AGO2: variants seen among roughly 807,000 people sequenced by gnomAD.
AGO2 encodes protein argonaute-2.
Under a neutral mutation model 102.3 loss-of-function variants are expected in AGO2, and 5 were observed. The ratio of observed to expected loss-of-function variants is 0.05; its 90% confidence interval spans 0.03 to 0.10. AGO2 has a LOEUF of 0.10. Among genes scored for constraint, AGO2 ranks in the 10% least tolerant of loss-of-function variants. AGO2 has a pLI of 1.00. For synonymous variants in AGO2, 449 were observed against 473.1 expected, an observed-to-expected ratio of 0.95 and a Z score of 0.66; for missense variants, 541 against 1,183.7, an observed-to-expected ratio of 0.46 and a Z score of 7.97.
intron 1 of AGO2, among the ~76,000 whole-genome samples, chr8:140,600,470 C>G (rs111938670): frequency 1.4e-4 from 22 of 152,092 alleles, no homozygotes; most frequent in Non-Finnish European, 1.8e-4. Flanking sequence ...CACCTGAGGT[C>G]GGGAGTTCGA....
At chr8:140,619,731 G>T (rs1310334981) in intron 1 of AGO2, among the ~76,000 whole-genome samples, 2 of 152,228 alleles carry the variant, frequency 1.3e-5, no homozygotes, top group African/African-American at 4.8e-5. Context: ...CACTCTACAG[G>T]CACGCTAGGT....
In AGO2 at chr8:140,524,296, A is replaced by G. The variant is rs1250940780; in HGVS notation, c.*7748T>C. The G allele has an allele frequency of 6.6e-6, 1 of 152,168 alleles. No individual in the cohort carries two copies. The highest frequency in any genetic ancestry group is 6.6e-5 in the Admixed American group (1 of 15,264). The allele number at this position is 152,168 out of a possible 1,614,324, so 9.4% of individuals were successfully genotyped here. A position where few individuals can be genotyped will look rare whatever the true frequency, so the allele number is the denominator to read the frequency against. On this transcript the variant is annotated 3_prime_UTR_variant, in exon 19 of 19. Transcript: ENST00000220592. Reference sequence around the variant, plus strand: ...CTTCTCGAGTGACTATGAGAACAAGACCACCAGGCTTTGCTGATGGTCATG... The same window carrying G: ...CTTCTCGAGTGACTATGAGAACAAGGCCACCAGGCTTTGCTGATGGTCATG...
At chr8:140,605,096 G>T (rs1363972371) in intron 1 of AGO2, among the ~76,000 whole-genome samples, 1 of 152,002 alleles carries the variant, frequency 6.6e-6, no homozygotes, top group Non-Finnish European at 1.5e-5. Flanking sequence ...AAAAATACAA[G>T]TTTTTTTTCT....
intron 17 of AGO2, among the ~76,000 whole-genome samples, chr8:140,533,697 C>G (rs902346864): frequency 6.6e-6 from 1 of 151,916 alleles, no homozygotes; most frequent in African/African-American, 2.4e-5. Context: ...ATCCCAGCTA[C>G]CCAGGAGGCT....
intron 1 of AGO2, among the ~76,000 whole-genome samples, chr8:140,594,458 C>T (rs992139654): frequency 2.0e-5 from 3 of 151,938 alleles, no homozygotes; most frequent in Admixed American, 6.6e-5. Context: ...CCACCGTGCC[C>T]GGCCCTCTTT....
chr8:140,549,404 C>G (rs2072957118), intron 11 of AGO2, 106 bp from the exon 12 acceptor site: 1 of 1,181,854 alleles, frequency 8.5e-7, no homozygotes, highest in Non-Finnish European at 1.2e-6. Flanking sequence ...GCCCAAAGCA[C>G]TTTCATTGAG....
At chr8:140,611,350 T>C (rs868006145) in intron 1 of AGO2, among the ~76,000 whole-genome samples, 5 of 151,348 alleles carry the variant, frequency 3.3e-5, no homozygotes, top group South Asian at 4.2e-4. Flanking sequence ...TTTCTTGATA[T>C]GGAGACTCGC....
intron 1 of AGO2, chr8:140,605,676 T>C (rs1322345224): frequency 2.0e-5 from 3 of 152,290 alleles, no homozygotes; most frequent in African/African-American, 7.2e-5. Context: ...GGTCCAGGGG[T>C]AGCTCTAGTT....
rs912322928 is a variant in AGO2, at chr8:140,535,401, T to C, written c.2271+67A>G. ...CCACGTGCCAGCCAGAGTGCAAGTGTTTGCTGAATGTGGGGATGACACGGC... is the reference window on the plus strand; with the variant it reads ...CCACGTGCCAGCCAGAGTGCAAGTGCTTGCTGAATGTGGGGATGACACGGC... On this transcript the variant is annotated intron_variant, in intron 17 of 18. Transcript: ENST00000220592. The C allele has an allele frequency of 1.5e-5, 23 of 1,518,710 alleles. No homozygotes were observed. In the African/African-American group the frequency reaches 2.7e-4, roughly 18 times the overall value. The allele number at this position is 1,518,710 out of a possible 1,614,324, so 94.1% of individuals were successfully genotyped here.
At chr8:140,610,292 C>T (rs2074059365) in intron 1 of AGO2, among the ~76,000 whole-genome samples, 1 of 152,122 alleles carries the variant, frequency 6.6e-6, no homozygotes, top group African/African-American at 2.4e-5. Context: ...ACAATCTTGG[C>T]TCACTGCAAC....
intron 1 of AGO2, among the ~76,000 whole-genome samples, chr8:140,595,536 G>A (rs979232285): frequency 6.8e-6 from 1 of 146,928 alleles, no homozygotes; most frequent in Non-Finnish European, 1.5e-5. Context: ...GCGATCATAG[G>A]GCTCAAGTGA....
At chr8:140,620,211 G>A (rs1449291316) in intron 1 of AGO2, among the ~76,000 whole-genome samples, 4 of 152,226 alleles carry the variant, frequency 2.6e-5, no homozygotes, top group Non-Finnish European at 5.9e-5. Context: ...GGCTCCAGAA[G>A]TGAGCATGGA....
intron 1 of AGO2, among the ~76,000 whole-genome samples, chr8:140,591,049 G>A (rs1277575396): frequency 1.3e-5 from 2 of 152,236 alleles, no homozygotes; most frequent in Non-Finnish European, 2.9e-5. Flanking sequence ...GGGTCGGAAT[G>A]AAGGAGGGAA....
Position 140,539,588 on chromosome 8 carries a change from G to A in AGO2, c.2035-134C>T, listed in dbSNP as rs1247544120. ...AGACAATGAGTGTGTTCACGGGGAG[G>A]TGAAAACACGGGGGCAGAAACCATC... On this transcript the variant is annotated intron_variant, in intron 15 of 18. Coordinates refer to ENST00000220592, the MANE Select transcript of AGO2 (RefSeq NM_012154.5). This position sits in a 1 kb window ranked among gnomAD's most constrained non-coding sequence, Gnocchi z 4.7. 1.9e-6 allele frequency: 2 copies of A among 1,066,290 alleles called. No individual in the cohort carries two copies. The highest frequency in any genetic ancestry group is 2.7e-6 in the Non-Finnish European group (2 of 748,904). The allele number at this position is 1,066,290 out of a possible 1,614,324, so 66.1% of individuals were successfully genotyped here.
At chr8:140,601,652 GC>G (rs1422814887) in intron 1 of AGO2, among the ~76,000 whole-genome samples, 2 of 152,234 alleles carry the variant, frequency 1.3e-5, no homozygotes, top group East Asian at 3.8e-4. Context: ...GCATGTGTCT[GC>G]CAGCTAGAGT....
chr8:140,531,741 C>A lies in AGO2; in HGVS notation c.*303G>T. 4.2e-6 allele frequency: 1 copy of A among 240,800 alleles called. No homozygotes were observed. Among genetic ancestry groups the A allele is most frequent in the South Asian group, 8.7e-5 (1 of 11,514 alleles). The allele number at this position is 240,800 out of a possible 1,614,324, so 14.9% of individuals were successfully genotyped here. Reference sequence around the variant, plus strand: ...AAATAAATTAAAAATGTTTTAAAGCCCTGAGTTCATAGACTGGTTTTAGGA... The same window carrying A: ...AAATAAATTAAAAATGTTTTAAAGCACTGAGTTCATAGACTGGTTTTAGGA... On this transcript the variant is annotated 3_prime_UTR_variant, in exon 19 of 19. Transcript: ENST00000220592.
intron 9 of AGO2, 30 bp from the exon 10 acceptor site, chr8:140,556,048 A>T (rs1057055859): frequency 1.6e-5 from 26 of 1,613,272 alleles, no homozygotes; most frequent in Non-Finnish European, 2.2e-5. Flanking sequence ...AAACGCACGG[A>T]GTGGGTGGAG....
At chr8:140,602,080 T>C (rs753369466) in intron 1 of AGO2, among the ~76,000 whole-genome samples, 3 of 152,262 alleles carry the variant, frequency 2.0e-5, no homozygotes, top group African/African-American at 7.2e-5. Flanking sequence ...TGCGTTTGCA[T>C]GTATTTGTTT....
chr8:140,633,015 C>A (rs1239878429), intron 1 of AGO2, among the ~76,000 whole-genome samples: 2 of 151,686 alleles, frequency 1.3e-5, no homozygotes, highest in Admixed American at 1.3e-4. Flanking sequence ...AGGGTTCAAG[C>A]GATTCTCCTG....
Sources: gnomAD v4.1 joint callset for allele counts (sites outside exome capture counted in the v4.1 genomes callset) on GRCh38, gnomAD v4.1.1 for gene constraint, Gnocchi (gnomAD v3.1) non-coding constraint, MANE v1.5 for transcripts, NCBI Gene and HGNC (gene_info 2026-07-23, HGNC 2026-07-21) for gene names.